Variants in PCM1 observed in about 807,000 individuals in gnomAD.
PCM1 encodes pericentriolar material 1 protein.
PCM1 carries 157 observed loss-of-function variants against 241.9 expected under a neutral mutation model. That is an observed-to-expected ratio of 0.65 (90% confidence interval 0.57 to 0.74). The LOEUF is 0.74. PCM1 is among the 30% of genes least tolerant of loss of function. PCM1 has a pLI of 0.00. For synonymous variants in PCM1, 1,085 were observed against 784.9 expected, an observed-to-expected ratio of 1.38 and a Z score of -6.39; for missense variants, 3,478 against 2,360.1, an observed-to-expected ratio of 1.47 and a Z score of -9.81.
Position 18,010,720 on chromosome 8 carries a change from C to T in PCM1, c.5220+52C>T, listed in dbSNP as rs775796590. On this transcript the variant is annotated intron_variant, in intron 32 of 38. Coordinates refer to ENST00000325083, the MANE Select transcript of PCM1 (RefSeq NM_006197.4). ...AAATATGGCTGGGCGCGGTGGCTCA[C>T]CCCCGTAATCGCAGCCCTTTGGGAG... The T allele has an allele frequency of 1.3e-4, 177 of 1,326,518 alleles. 1 individual carries two copies. In the South Asian group the frequency reaches 1.7e-3, roughly 13 times the overall value. The allele number at this position is 1,326,518 out of a possible 1,614,324, so 82.2% of individuals were successfully genotyped here.
intron 22 of PCM1, among the ~76,000 whole-genome samples, chr8:17,970,562 G>A (rs1446949398): frequency 6.6e-6 from 1 of 150,710 alleles, no homozygotes; most frequent in Non-Finnish European, 1.5e-5. Flanking sequence ...TCTTTTTCCT[G>A]TTAAATCTCA....
Position 18,000,103 on chromosome 8 carries a change from T to C in PCM1, c.4828-6160T>C, listed in dbSNP as rs138582424. On this transcript the variant is annotated intron_variant, in intron 29 of 38. Transcript: ENST00000325083. ...ATATTGGATGATCAGGGAAAGCTTC[T>C]AATGAGGGAACATTTAAGTAGAGAT... Among the ~76,000 whole-genome samples, 4 of 152,342 alleles carry C rather than the reference T, an allele frequency of 2.6e-5. No individual in the cohort carries two copies. In the East Asian group the frequency reaches 7.7e-4, roughly 29 times the overall value.
At chr8:17,966,858 C>A in intron 20 of PCM1, 122 bp from the exon 21 acceptor site, 1 of 834,328 alleles carries the variant, frequency 1.2e-6, no homozygotes, top group Non-Finnish European at 1.9e-6. Context: ...GTATTTGTTA[C>A]AGTATCAGAG....
intron 6 of PCM1, among the ~76,000 whole-genome samples, chr8:17,941,010 A>G (rs943677642): frequency 3.3e-5 from 5 of 152,196 alleles, no homozygotes; most frequent in African/African-American, 2.4e-5. Context: ...ATTGACCTGC[A>G]TAATTCTTAC....
chr8:18,025,032 A>T (rs1332525025), intron 36 of PCM1: 1 of 201,066 alleles, frequency 5.0e-6, no homozygotes, highest in African/African-American at 2.4e-5. Context: ...TGCTGGGTAC[A>T]GCTCTCGTGT....
rs1229995617 is a variant in PCM1 at position 17,938,767 on chromosome 8, A to G, written c.370A>G (p.Arg124Gly). 2 of 1,611,764 alleles carry G rather than the reference A, an allele frequency of 1.2e-6. No homozygotes were observed. Among genetic ancestry groups the G allele is most frequent in the Non-Finnish European group, 1.7e-6 (2 of 1,177,802 alleles). ...AAGCATTGGAAGTGATTCCCAAGGT[A>G]GAGCAACAGCTGCTAACAACAAACG... is the stretch of plus-strand genomic sequence containing the variant. ...QRSIGSDSQG[R>G]ATAANNKRQL... Residue 124 changes from arginine (R) to glycine (G), a missense_variant, in exon 5 of 39, where the codon AGA becomes GGA. Arg to Gly is a moderately radical substitution (Grantham distance 125). Coordinates refer to ENST00000325083, the MANE Select transcript of PCM1 (RefSeq NM_006197.4).
intron 36 of PCM1, chr8:18,025,102 T>C (rs539112745): frequency 3.1e-6 from 1 of 322,590 alleles, no homozygotes; most frequent in East Asian, 5.8e-5. Context: ...GTTGTAACTA[T>C]TTCTTCAGCA....
chr8:17,957,188 T>C, intron 11 of PCM1, 76 bp from the exon 12 acceptor site: 1 of 1,149,490 alleles, frequency 8.7e-7, no homozygotes, highest in Middle Eastern at 2.5e-4. Context: ...GTTATTTTAT[T>C]AGCAGTTCTA....
intron 10 of PCM1, 179 bp downstream of exon 10, chr8:17,955,832 GAT>G: frequency 1.7e-6 from 1 of 605,402 alleles, no homozygotes; most frequent in Non-Finnish European, 2.9e-6. Flanking sequence ...TTGTCTAAGA[GAT>G]GTGATGTAAC....
rs752174096 is a variant in PCM1 at position 17,947,306 on chromosome 8, G to C, written c.904G>C (p.Ala302Pro). ...QLRALQGRQA[A>P]LLALQHKAEQ... ...AAGAGCTCTACAGGGACGGCAGGCT[G>C]CACTTCTAGCTCTGCAACATAAAGC... The change falls in exon 7 of 39, where the codon GCA becomes CCA. Residue 302 changes from alanine to proline, a missense_variant. Coordinates refer to ENST00000325083, the MANE Select transcript of PCM1 (RefSeq NM_006197.4). 6 of 1,612,310 alleles carry C rather than the reference G, an allele frequency of 3.7e-6. No homozygotes were observed. In the East Asian group the frequency reaches 1.1e-4, roughly 30 times the overall value.
chr8:18,025,710 A>C (rs1234533161), intron 38 of PCM1, 52 bp downstream of exon 38: 1 of 1,026,134 alleles, frequency 9.7e-7, no homozygotes, highest in African/African-American at 1.6e-5. Context: ...TTGAATCTTC[A>C]TACTACTATT....
chr8:17,963,460 T>G (rs943856179), intron 17 of PCM1, among the ~76,000 whole-genome samples, 169 bp downstream of exon 17: 1 of 152,242 alleles, frequency 6.6e-6, no homozygotes, highest in African/African-American at 2.4e-5. Flanking sequence ...TCCAGCCACT[T>G]TCTGTTCTGA....
At chr8:17,952,911 A>G (rs889287983) in intron 8 of PCM1, 59 bp from the exon 9 acceptor site, 1 of 988,008 alleles carries the variant, frequency 1.0e-6, no homozygotes, top group Admixed American at 2.8e-5. Context: ...TTAAAAAATG[A>G]GAATGCATTT....
chr8:17,969,381 T>C (rs2076112737), intron 21 of PCM1, 196 bp from the exon 22 acceptor site: 1 of 496,352 alleles, frequency 2.0e-6, no homozygotes, highest in African/African-American at 2.0e-5. Context: ...TTATTAATTG[T>C]CTTTGACCAA....
At chr8:17,960,760 G>A (rs146024428) in intron 15 of PCM1, among the ~76,000 whole-genome samples, 157 of 152,048 alleles carry the variant, frequency 1.0e-3, no homozygotes, top group African/African-American at 3.5e-3. Context: ...TCCTGACCTC[G>A]TGATTCGCCC....
chr8:17,941,298 A>G (rs1402505688), intron 6 of PCM1, among the ~76,000 whole-genome samples: 1 of 152,188 alleles, frequency 6.6e-6, no homozygotes, highest in Non-Finnish European at 1.5e-5. Context: ...AATTTATATA[A>G]AGTATTCATT....
Position 17,960,072 on chromosome 8 carries a change from A to T in PCM1, c.2099A>T (p.Tyr700Phe). The T allele has an allele frequency of 6.2e-7, 1 of 1,611,694 alleles. No homozygotes were observed. Among genetic ancestry groups the T allele is most frequent in the Non-Finnish European group, 8.5e-7 (1 of 1,178,632 alleles). ...AGTGCATCAAATTTGGATGATTTCT[A>T]CCCAGCAGAAGAAGACACCAAGCAA... ...SASASNLDDFYPAEEDTKQNS... is the reference protein window; with the variant it reads ...SASASNLDDFFPAEEDTKQNS... Residue 700 changes from tyrosine (Y) to phenylalanine (F), a missense_variant, in exon 14 of 39, where the codon TAC becomes TTC. Transcript: ENST00000325083.
chr8:17,987,400 A>T (rs548681706), intron 26 of PCM1, among the ~76,000 whole-genome samples: 1 of 151,828 alleles, frequency 6.6e-6, no homozygotes, highest in Non-Finnish European at 1.5e-5. Context: ...CTTTTATCCA[A>T]GTTTCATACA....
chr8:17,993,341 G>A (rs969850524), intron 28 of PCM1, 142 bp from the exon 29 acceptor site: 4 of 469,318 alleles, frequency 8.5e-6, no homozygotes, highest in Non-Finnish European at 1.4e-5. Context: ...ATTGATAGGG[G>A]TGCTTAAACT....
Sources: gnomAD v4.1 joint callset for allele counts (sites outside exome capture counted in the v4.1 genomes callset) on GRCh38, gnomAD v4.1.1 for gene constraint, MANE v1.5 for transcripts, NCBI Gene and HGNC (gene_info 2026-07-23, HGNC 2026-07-21) for gene names.